ATP6V1A: variants seen among roughly 807,000 people sequenced by gnomAD.
ATP6V1A encodes the protein ATPase H+ transporting V1 subunit A, also known as V-type proton ATPase catalytic subunit A.
Under a neutral mutation model 70.1 loss-of-function variants are expected in ATP6V1A, and 18 were observed. The observed-to-expected ratio is 0.26, with a 90% CI of 0.18 to 0.38. ATP6V1A has a LOEUF of 0.38. Among genes scored for constraint, ATP6V1A ranks in the 10% least tolerant of loss-of-function variants. ATP6V1A has a pLI of 1.00. For synonymous variants in ATP6V1A, 232 were observed against 253.8 expected (o/e 0.91, Z 0.82); for missense variants, 424 against 772.4 (o/e 0.55, Z 5.35).
intron 10 of ATP6V1A, among the ~76,000 whole-genome samples, chr3:113,795,602 A>G (rs1416939160): frequency 1.3e-5 from 2 of 151,946 alleles, no homozygotes; most frequent in Non-Finnish European, 2.9e-5. Context: ...GATTAGAATA[A>G]TAAAATTGAT....
chr3:113,752,124 C>A (rs1708594051), intron 1 of ATP6V1A, among the ~76,000 whole-genome samples: 1 of 151,754 alleles, frequency 6.6e-6, no homozygotes, highest in South Asian at 2.1e-4. Context: ...CTGCAACATG[C>A]CACATTTTGT....
At chr3:113,757,080 CT>C (rs1195679969) in intron 1 of ATP6V1A, among the ~76,000 whole-genome samples, 1 of 152,184 alleles carries the variant, frequency 6.6e-6, no homozygotes, top group Non-Finnish European at 1.5e-5. Flanking sequence ...CTCTATGAAT[CT>C]AAGAAGCAGA....
chr3:113,807,675 T>C (rs1325215532), intron 14 of ATP6V1A, among the ~76,000 whole-genome samples: 1 of 152,188 alleles, frequency 6.6e-6, no homozygotes, highest in East Asian at 1.9e-4. Flanking sequence ...TATATATTCA[T>C]AGAAAGAGGA....
At chr3:113,749,560 A>G (rs546757361) in intron 1 of ATP6V1A, among the ~76,000 whole-genome samples, 75 of 152,258 alleles carry the variant, frequency 4.9e-4, no homozygotes, top group African/African-American at 1.8e-3. Context: ...ACTCAGTCCT[A>G]TAGACTACTA....
intron 1 of ATP6V1A, among the ~76,000 whole-genome samples, chr3:113,770,833 G>A (rs1708830872): frequency 6.6e-6 from 1 of 152,048 alleles, no homozygotes. Context: ...GATAGCTCAT[G>A]CCTGTTATCC....
chr3:113,780,678 C>A, intron 2 of ATP6V1A: 3 of 1,171,258 alleles, frequency 2.6e-6, no homozygotes, highest in Non-Finnish European at 3.4e-6. Context: ...ATACTACTAG[C>A]CAAACCATTT....
Position 113,784,706 on chromosome 3 carries a change from A to G in ATP6V1A, c.437A>G (p.His146Arg), listed in dbSNP as rs762169436. The change falls in exon 5 of 15, where the codon CAT (histidine) becomes CGT (arginine). Residue 146 changes from histidine to arginine, a missense_variant. By Grantham distance (29) the His-to-Arg change is conservative. This residue lies in a region of ATP6V1A where 139 missense variants were observed against 163.5 expected (regional missense o/e 0.85). Coordinates refer to ENST00000273398, the MANE Select transcript of ATP6V1A (RefSeq NM_001690.4). ...TACATTTATCTCTAGGTTGGTAGTC[A>G]TATCACTGGCGGAGACATTTATGGA... The part of the protein sequence containing the change: ...TPCKNLRVGS[H>R]ITGGDIYGIV... 1.9e-6 allele frequency: 3 copies of G among 1,614,096 alleles called. No individual in the cohort carries two copies. Among genetic ancestry groups the G allele is most frequent in the South Asian group, 1.1e-5 (1 of 91,074 alleles).
intron 1 of ATP6V1A, among the ~76,000 whole-genome samples, chr3:113,753,353 T>TAA (rs762259488): frequency 6.6e-6 from 1 of 152,190 alleles, no homozygotes; most frequent in Non-Finnish European, 1.5e-5. Flanking sequence ...TGTGAAGTGT[T>TAA]AGAGTTTTTC....
chr3:113,756,123 C>T (rs1708644601), intron 1 of ATP6V1A, among the ~76,000 whole-genome samples: 1 of 152,038 alleles, frequency 6.6e-6, no homozygotes, highest in Non-Finnish European at 1.5e-5. Flanking sequence ...AAACTAGGCA[C>T]GGGATGATTA....
At chr3:113,765,876 G>A (rs557233600) in intron 1 of ATP6V1A, among the ~76,000 whole-genome samples, 3 of 151,904 alleles carry the variant, frequency 2.0e-5, no homozygotes, top group East Asian at 1.9e-4. Flanking sequence ...GCAGTGAGCC[G>A]AGATCGCACC....
chr3:113,789,904 C>T (rs1709073788), intron 8 of ATP6V1A, 64 bp downstream of exon 8: 4 of 1,268,252 alleles, frequency 3.2e-6, no homozygotes, highest in Non-Finnish European at 4.6e-6. Context: ...TAGCACCAAA[C>T]TTTTCTAAAG....
Position 113,802,708 on chromosome 3 carries a change from G to C in ATP6V1A, c.1495-875G>C, listed in dbSNP as rs1211633361. ...AGGTCTCGCTCTGTCACCCAGGCTGGAGTGCAGTGGCACGATCTTAGCTCA... is the reference window on the plus strand; with the variant it reads ...AGGTCTCGCTCTGTCACCCAGGCTGCAGTGCAGTGGCACGATCTTAGCTCA... On this transcript the variant is annotated intron_variant, in intron 12 of 14. Coordinates refer to ENST00000273398, the MANE Select transcript of ATP6V1A (RefSeq NM_001690.4). The C allele has an allele frequency of 2.0e-5, 3 of 152,312 alleles. No homozygotes were observed. In the East Asian group the frequency reaches 5.8e-4, roughly 29 times the overall value. 9.4% of individuals were successfully genotyped at this position (152,312 alleles called of 1,614,324 possible).
intron 1 of ATP6V1A, among the ~76,000 whole-genome samples, chr3:113,752,995 A>G (rs1468262603): frequency 6.6e-6 from 1 of 152,188 alleles, no homozygotes; most frequent in Non-Finnish European, 1.5e-5. Context: ...TAGACACATG[A>G]GACTGCATGG....
intron 1 of ATP6V1A, among the ~76,000 whole-genome samples, chr3:113,770,097 G>A (rs916895973): frequency 1.3e-5 from 2 of 151,694 alleles, no homozygotes; most frequent in Non-Finnish European, 2.9e-5. Context: ...CACCCAGGCT[G>A]GAGTGCAGTG....
intron 1 of ATP6V1A, among the ~76,000 whole-genome samples, chr3:113,767,385 C>G (rs146308406): frequency 2.4e-4 from 37 of 152,216 alleles, no homozygotes; most frequent in African/African-American, 8.4e-4. Context: ...CTGCGCCCAG[C>G]CTGATGTTAT....
intron 1 of ATP6V1A, among the ~76,000 whole-genome samples, chr3:113,770,613 A>G (rs34033139): frequency 0.29 from 43,384 of 152,070 alleles, 7,597 homozygotes; most frequent in Admixed American, 0.39. Flanking sequence ...CGGAAGGTGG[A>G]CATTGCAGTG....
At chr3:113,797,820 A>G (rs1363148142) in intron 11 of ATP6V1A, among the ~76,000 whole-genome samples, 1 of 152,162 alleles carries the variant, frequency 6.6e-6, no homozygotes, top group East Asian at 1.9e-4. Context: ...AAAACGATGT[A>G]TAATTTGACC....
rs984862497 is a variant in ATP6V1A, at chr3:113,782,917, C to CT, written c.212-1300dup. On this transcript the variant is annotated intron_variant, in intron 3 of 14. Coordinates refer to ENST00000273398, the MANE Select transcript of ATP6V1A (RefSeq NM_001690.4). ...ATTTTAGGTACTGTTATACACCTTG[C>CT]TTTTTTTCACTTAAAAGTATGTGTA... Among the ~76,000 whole-genome samples the CT allele has an allele frequency of 1.1e-4, 17 of 152,088 alleles. No individual in the cohort carries two copies. The East Asian group carries it at 2.9e-3, about 26-fold the overall frequency.
chr3:113,778,464 T>G (rs987564690), intron 1 of ATP6V1A, among the ~76,000 whole-genome samples: 1 of 151,908 alleles, frequency 6.6e-6, no homozygotes, highest in African/African-American at 2.4e-5. Flanking sequence ...TCATAGCTAC[T>G]TGGGAGGCTG....
Sources: allele counts gnomAD v4.1 joint callset (sites outside exome capture counted in the v4.1 genomes callset), GRCh38; gene constraint gnomAD v4.1.1; regional missense constraint gnomAD v4.1.1; transcripts MANE v1.5; gene names NCBI Gene and HGNC (gene_info 2026-07-23, HGNC 2026-07-21).